ATP8B3: variants seen among roughly 807,000 people sequenced by gnomAD.
ATP8B3 encodes phospholipid-transporting ATPase IK.
A neutral mutation model predicts 140.9 loss-of-function variants in ATP8B3; 141 were observed. That is an observed-to-expected ratio of 1.00 (90% CI 0.87 to 1.15). The LOEUF (loss-of-function observed/expected upper bound fraction) is 1.15. Among genes scored for constraint, ATP8B3 ranks in the 50% most tolerant of loss-of-function variants. ATP8B3 has a pLI of 0.00. For synonymous variants in ATP8B3, 765 were observed against 714.6 expected (o/e 1.07, Z -1.13); for missense variants, 1,874 against 1,740.6 (o/e 1.08, Z -1.36).
At chr19:1,809,860 C>T (rs1486292991) in intron 3 of ATP8B3, 126 bp from the exon 4 acceptor site, 2 of 815,612 alleles carry the variant, frequency 2.5e-6, no homozygotes, top group African/African-American at 1.7e-5. Context: ...GATGTCAGAG[C>T]CCGTAAACAG....
chr19:1,806,416 C>A lies in ATP8B3; in HGVS notation c.677+212G>T, dbSNP rs1246849652. The A allele has an allele frequency of 4.8e-6, 7 of 1,446,772 alleles. No individual in the cohort carries two copies. The highest frequency in any genetic ancestry group is 6.3e-6 in the Non-Finnish European group (7 of 1,106,726). The allele number at this position is 1,446,772 out of a possible 1,614,324, so 89.6% of individuals were successfully genotyped here. On this transcript the variant is annotated intron_variant, in intron 7 of 28. Transcript: ENST00000310127. The surrounding 1 kb of genome is among the most constrained non-coding windows in gnomAD (Gnocchi z 5.6). ...TTCCTTGTCCTCCCCATCGCCCGAG[C>A]CCTAAGCTCTGCAAGGGTTCGCCAT...
Position 1,807,035 on chromosome 19 carries a change from T to C in ATP8B3, c.615+133A>G, listed in dbSNP as rs2069045915. 3 of 812,574 alleles carry C rather than the reference T, an allele frequency of 3.7e-6. No individual in the cohort carries two copies. The highest frequency in any genetic ancestry group is 6.0e-6 in the Non-Finnish European group (3 of 498,124). 50.3% of individuals were successfully genotyped at this position (812,574 alleles called of 1,614,324 possible). ...ATAAGGACAATGTAGCCCCAGCAGC[T>C]GAGGCTCCCAGGCCCACGTTCCCCT... is the stretch of plus-strand genomic sequence containing the variant. On this transcript the variant is annotated intron_variant, in intron 6 of 28. Coordinates refer to ENST00000310127, the MANE Select transcript of ATP8B3 (RefSeq NM_138813.4). The surrounding 1 kb of genome is among the most constrained non-coding windows in gnomAD (Gnocchi z 5.9).
At position 1,790,795 on chromosome 19, in the gene ATP8B3, C is replaced by T. The variant is rs543536984; in HGVS notation, c.2340G>A (p.Leu780=). 1 of 1,606,388 alleles carries T rather than the reference C, an allele frequency of 6.2e-7. No homozygotes were observed. The highest frequency in any genetic ancestry group is 1.1e-5 in the South Asian group (1 of 89,554). Residue 780 remains leucine (L), a synonymous_variant, in exon 21 of 29, where the codon CTG becomes CTA. Coordinates refer to ENST00000310127, the MANE Select transcript of ATP8B3 (RefSeq NM_138813.4). ...AVNIGFACEL[L]SENMLILEEK... The stretch of plus-strand genomic sequence containing the variant: ...CCTCCAGAATGAGCATATTCTCTGA[C>T]AGCAGCTCGCAGGCGAAGCCGATGT...
rs200427294 is a variant in ATP8B3, at chr19:1,800,357, C to G, written c.1245G>C (p.Ser415=). 1 of 1,612,892 alleles carries G rather than the reference C, an allele frequency of 6.2e-7. No individual in the cohort carries two copies. Among genetic ancestry groups the G allele is most frequent in the Non-Finnish European group, 8.5e-7 (1 of 1,179,832 alleles). Residue 415 remains serine, a synonymous_variant, in exon 13 of 29, where the codon TCG becomes TCC. Transcript: ENST00000310127. The surrounding 1 kb of genome is among the most constrained non-coding windows in gnomAD (Gnocchi z 4.4). ...CGGCCACGCTGCTCCCATGCACCCC[C>G]GAGAGGTAGTAGTGGTGGTCTTTGA... ...KEFKDHHYYL[S]GVHGSSVAAE...
At position 1,806,504 on chromosome 19, in the gene ATP8B3, T is replaced by A; in HGVS notation, c.677+124A>T. ...CTAATGAATGCAGGCCCGGTTCCTG[T>A]CGGACTCAACCAGCCGGGAGATCAG... On this transcript the variant is annotated intron_variant, in intron 7 of 28. Transcript: ENST00000310127. The surrounding 1 kb of genome is among the most constrained non-coding windows in gnomAD (Gnocchi z 5.6). 18 of 1,497,884 alleles carry A rather than the reference T, an allele frequency of 1.2e-5. No individual in the cohort carries two copies. The highest frequency in any genetic ancestry group is 1.5e-5 in the Non-Finnish European group (17 of 1,126,024). 92.8% of individuals were successfully genotyped at this position (1,497,884 alleles called of 1,614,324 possible).
In ATP8B3 at chr19:1,807,883, G is replaced by C. The variant is rs2069074754; in HGVS notation, c.516+339C>G. Among the ~76,000 whole-genome samples, 1 of 152,272 alleles carries C rather than the reference G, an allele frequency of 6.6e-6. No homozygotes were observed. Among genetic ancestry groups the C allele is most frequent in the Non-Finnish European group, 1.5e-5 (1 of 68,046 alleles). ...GCTCCTCCTTCCCCCTCGCCTCTGA[G>C]GTCAGCTGGGAGGGCGGGGGCCAGG... On this transcript the variant is annotated intron_variant, in intron 5 of 28. Transcript: ENST00000310127. The surrounding 1 kb of genome is among the most constrained non-coding windows in gnomAD (Gnocchi z 5.9).
rs373845095 is a variant in ATP8B3 at position 1,794,167 on chromosome 19, A to C, written c.2055+1708T>G. On this transcript the variant is annotated intron_variant, in intron 18 of 28. Transcript: ENST00000310127. The surrounding 1 kb of genome is among the most constrained non-coding windows in gnomAD (Gnocchi z 4.8). The stretch of plus-strand genomic sequence containing the variant: ...CTCAGGCTCCCAAAGTGCTGGGACC[A>C]CAGGCACGCGCCACCATGTCTGATT... 2.5e-4 allele frequency among the ~76,000 whole-genome samples: 38 copies of C among 152,324 alleles called. No homozygotes were observed. The East Asian group carries it at 4.0e-3, about 16-fold the overall frequency.
Position 1,802,649 on chromosome 19 carries a change from T to G in ATP8B3, c.905-4A>C. On this transcript the variant is annotated splice_polypyrimidine_tract_variant and splice_region_variant and intron_variant, in intron 10 of 28. Transcript: ENST00000310127. ...GGCGCCTCACACGTCACTGTGCCTG[T>G]GGGTGGCCAGGTGGTCAGTGGGTCA... 6.2e-7 allele frequency: 1 copy of G among 1,607,514 alleles called. No homozygotes were observed. The highest frequency in any genetic ancestry group is 8.5e-7 in the Non-Finnish European group (1 of 1,177,716).
Position 1,783,145 on chromosome 19 carries a change from G to T in ATP8B3, c.3786C>A (p.Asn1262Lys). The change falls in exon 29 of 29, where the codon AAC (asparagine) becomes AAA (lysine). Residue 1262 changes from asparagine to lysine, a missense_variant. This residue lies in a region of ATP8B3 where 840 missense variants were observed against 760.9 expected (regional missense o/e 1.10). Coordinates refer to ENST00000310127, the MANE Select transcript of ATP8B3 (RefSeq NM_138813.4). The stretch of plus-strand genomic sequence containing the variant: ...GCAGAATTGTGCCCTGAGTGATGAG[G>T]TTTGCATATCCCTCACGGTGGGAGA... ...YAFSHREGYA[N>K]LITQGTILRR... 1 of 1,613,746 alleles carries T rather than the reference G, an allele frequency of 6.2e-7. No individual in the cohort carries two copies. Among genetic ancestry groups the T allele is most frequent in the Non-Finnish European group, 8.5e-7 (1 of 1,179,838 alleles).
At chr19:1,787,403 C>T (rs542623956) in intron 24 of ATP8B3, among the ~76,000 whole-genome samples, 66 of 152,214 alleles carry the variant, frequency 4.3e-4, no homozygotes, top group African/African-American at 1.3e-3. Flanking sequence ...ATAATGGCAC[C>T]TCTGAGTTTT....
rs565685701 is a variant in ATP8B3, at chr19:1,809,429, C to T, written c.402+214G>A. The stretch of plus-strand genomic sequence containing the variant: ...CCCGGAGGTGGAGGTTGCAGTGAGC[C>T]GAGATGTCGCCACTGCACTCCAGCC... On this transcript the variant is annotated intron_variant, in intron 4 of 28. Coordinates refer to ENST00000310127, the MANE Select transcript of ATP8B3 (RefSeq NM_138813.4). 1.8e-4 allele frequency among the ~76,000 whole-genome samples: 27 copies of T among 150,906 alleles called. No individual in the cohort carries two copies. The East Asian group carries it at 4.1e-3, about 23-fold the overall frequency.
At chr19:1,796,350 G>C (rs1010846679) in intron 16 of ATP8B3, 85 bp from the exon 17 acceptor site, 2 of 1,258,866 alleles carry the variant, frequency 1.6e-6, no homozygotes, top group Admixed American at 2.3e-5. Context: ...GGTATCGCCT[G>C]GGCTACACCT....
chr19:1,805,242 T>C lies in ATP8B3; in HGVS notation c.904+132A>G. ...CTCCTGCCTCAGCCTCCCAAAGTGC[T>C]GGGATTCCAGGTGTGAGCCACTGGG... is the stretch of plus-strand genomic sequence containing the variant. On this transcript the variant is annotated intron_variant, in intron 10 of 28. Transcript: ENST00000310127. The surrounding 1 kb of genome is among the most constrained non-coding windows in gnomAD (Gnocchi z 5.2). 1.2e-6 allele frequency: 1 copy of C among 866,778 alleles called. No homozygotes were observed. The highest frequency in any genetic ancestry group is 1.9e-6 in the Non-Finnish European group (1 of 533,522). 53.7% of individuals were successfully genotyped at this position (866,778 alleles called of 1,614,324 possible).
intron 27 of ATP8B3, 80 bp downstream of exon 27, chr19:1,785,079 G>A: frequency 4.0e-6 from 6 of 1,484,434 alleles, no homozygotes; most frequent in South Asian, 1.4e-5. Context: ...CCGGACGACT[G>A]TCATGAGCAA....
chr19:1,782,962 C>G lies in ATP8B3; in HGVS notation c.*66G>C, dbSNP rs1257529149. 1.9e-6 allele frequency: 3 copies of G among 1,542,052 alleles called. No homozygotes were observed. In the African/African-American group the frequency reaches 4.1e-5, roughly 21 times the overall value. ...TAGGTGTAGGGGGGAGCTGTACTTC[C>G]TGGGAGGACACCTGCCCCTGTGGCT... On this transcript the variant is annotated 3_prime_UTR_variant, in exon 29 of 29. Coordinates refer to ENST00000310127, the MANE Select transcript of ATP8B3 (RefSeq NM_138813.4).
rs748188933 is a variant in ATP8B3 at position 1,806,181 on chromosome 19, G to T, written c.678-12C>A. The stretch of plus-strand genomic sequence containing the variant: ...TCTTCTGCTTGAAGCTGCGGGGAGA[G>T]GGGGTTGTGAAGGAGGCCCCTCCCT... On this transcript the variant is annotated splice_polypyrimidine_tract_variant and intron_variant, in intron 7 of 28. Coordinates refer to ENST00000310127, the MANE Select transcript of ATP8B3 (RefSeq NM_138813.4). The surrounding 1 kb of genome is among the most constrained non-coding windows in gnomAD (Gnocchi z 5.6). The T allele has an allele frequency of 2.7e-5, 43 of 1,580,796 alleles. No homozygotes were observed. The highest frequency in any genetic ancestry group is 3.5e-5 in the Non-Finnish European group (41 of 1,164,280).
chr19:1,787,306 T>C, intron 24 of ATP8B3, 120 bp from the exon 25 acceptor site: 1 of 768,102 alleles, frequency 1.3e-6, no homozygotes, highest in Non-Finnish European at 2.2e-6. Context: ...ACACTCAAGG[T>C]TGGGGCTGGG....
rs1252639683 is a variant in ATP8B3, at chr19:1,784,910, A to G, written c.3569T>C (p.Leu1190Pro). The G allele has an allele frequency of 6.2e-7, 1 of 1,613,006 alleles. No individual in the cohort carries two copies. Among genetic ancestry groups the G allele is most frequent in the East Asian group, 2.2e-5 (1 of 44,878 alleles). Residue 1190 changes from leucine (L) to proline (P), a missense_variant, in exon 28 of 29, where the codon CTG becomes CCG. Leu to Pro is a moderately conservative substitution (Grantham distance 98, BLOSUM62 -3). This residue lies in a region of ATP8B3 where 840 missense variants were observed against 760.9 expected (regional missense o/e 1.10). Transcript: ENST00000310127. ...DLSVMSSPSI[L>P]LVVLLSVSIN... The stretch of plus-strand genomic sequence containing the variant: ...GGACACACTCAGCAGGACCACCAGC[A>G]GGATGGAGGGAGAGGACATCACGCT...
chr19:1,789,340 A>C (rs1600401426), intron 23 of ATP8B3, 21 bp downstream of exon 23: 1 of 1,186,398 alleles, frequency 8.4e-7, no homozygotes, highest in Non-Finnish European at 1.1e-6. Context: ...AGGCACCCCC[A>C]GCCCCGCCGC....
Sources: gnomAD v4.1 joint callset for allele counts (sites outside exome capture counted in the v4.1 genomes callset) on GRCh38, gnomAD v4.1.1 for gene constraint, gnomAD v4.1.1 regional missense constraint, Gnocchi (gnomAD v3.1) non-coding constraint, MANE v1.5 for transcripts, NCBI Gene and HGNC (gene_info 2026-07-23, HGNC 2026-07-21) for gene names.